NEO1: variants seen among roughly 807,000 people sequenced by gnomAD.
The protein encoded by NEO1 is neogenin.
A neutral mutation model predicts 159.7 loss-of-function variants in NEO1; 63 were observed. The ratio of observed to expected loss-of-function variants is 0.39; its 90% CI spans 0.32 to 0.49. The LOEUF is 0.49. NEO1 is among the 20% of genes least tolerant of loss of function. The pLI is 0.85. For missense variants in NEO1, 1,615 were observed against 1,831.0 expected (o/e 0.88, Z 2.15); for synonymous variants, 633 against 662.0 (o/e 0.96, Z 0.67).
rs527238983 is a variant in NEO1 at position 73,125,558 on chromosome 15, T to C, written c.725-859T>C. ...GTTATCATGGCTGTAGAACATCTTT[T>C]CCAAAGCATATGGGCACAAGAGTCA... On this transcript the variant is annotated intron_variant, in intron 3 of 28. Coordinates refer to ENST00000261908, the MANE Select transcript of NEO1 (RefSeq NM_002499.4). 2.8e-4 allele frequency among the ~76,000 whole-genome samples: 42 copies of C among 152,308 alleles called. No individual in the cohort carries two copies. The East Asian group carries it at 7.5e-3, about 27-fold the overall frequency.
chr15:73,160,493 C>T (rs2034096286), intron 5 of NEO1, among the ~76,000 whole-genome samples: 1 of 152,084 alleles, frequency 6.6e-6, no homozygotes, highest in Admixed American at 6.6e-5. Context: ...GTTGAGAGCT[C>T]AGGACCACCA....
At position 73,289,243 on chromosome 15, in the gene NEO1, G is replaced by T; in HGVS notation, c.3742+5G>T. The T allele has an allele frequency of 6.2e-7, 1 of 1,613,484 alleles. No homozygotes were observed. ...TTGACTCCCAGCCACCCCAGCGTAA[G>T]TAGAAGCATCTCTTTTCCTCAGTGC... On this transcript the variant is annotated splice_donor_5th_base_variant and intron_variant, in intron 25 of 28. Transcript: ENST00000261908.
At chr15:73,132,054 C>A (rs1356855385) in intron 4 of NEO1, among the ~76,000 whole-genome samples, 2 of 152,160 alleles carry the variant, frequency 1.3e-5, no homozygotes, top group African/African-American at 4.8e-5. Flanking sequence ...TTTGCTATAC[C>A]ATTTTGTAGA....
chr15:73,156,540 C>T (rs1376601797), intron 5 of NEO1, among the ~76,000 whole-genome samples: 1 of 152,154 alleles, frequency 6.6e-6, no homozygotes, highest in Non-Finnish European at 1.5e-5. Flanking sequence ...ATGGGAATAG[C>T]AGTAGTAGTG....
intron 7 of NEO1, among the ~76,000 whole-genome samples, chr15:73,229,824 A>T (rs780574512): frequency 4.6e-5 from 7 of 151,898 alleles, no homozygotes; most frequent in Non-Finnish European, 1.0e-4. Flanking sequence ...TTTTCTCTTA[A>T]TGTGATGTGT....
intron 4 of NEO1, among the ~76,000 whole-genome samples, chr15:73,133,236 A>G (rs1248967441): frequency 6.6e-6 from 1 of 152,158 alleles, no homozygotes; most frequent in Non-Finnish European, 1.5e-5. Context: ...GAATGAAATA[A>G]CACCATTCAC....
intron 15 of NEO1, among the ~76,000 whole-genome samples, chr15:73,264,358 T>A (rs2040785010): frequency 3.9e-5 from 6 of 152,152 alleles, no homozygotes; most frequent in Admixed American, 3.3e-4. Context: ...TGAGTTGAAG[T>A]GAATTTTGTT....
chr15:73,091,323 C>A (rs1159128027), intron 1 of NEO1, among the ~76,000 whole-genome samples: 1 of 152,020 alleles, frequency 6.6e-6, no homozygotes, highest in African/African-American at 2.4e-5. Context: ...TTTATCTTGC[C>A]TTATGTATTA....
chr15:73,269,932 T>C, intron 16 of NEO1, 78 bp from the exon 17 acceptor site: 2 of 1,130,844 alleles, frequency 1.8e-6, no homozygotes, highest in Non-Finnish European at 2.6e-6. Context: ...TTCCATTATA[T>C]TACCCTGCAT....
Position 73,266,426 on chromosome 15 carries a change from C to A in NEO1, c.2494+15C>A. 2 of 1,587,364 alleles carry A rather than the reference C, an allele frequency of 1.3e-6. No individual in the cohort carries two copies. The highest frequency in any genetic ancestry group is 1.7e-6 in the Non-Finnish European group (2 of 1,161,156). ...GCCTCACACAGGTAAGGTATCCTAT[C>A]TTTCCTAGTCTCCAGCACTTTTCCT... On this transcript the variant is annotated intron_variant, in intron 16 of 28. Coordinates refer to ENST00000261908, the MANE Select transcript of NEO1 (RefSeq NM_002499.4).
intron 3 of NEO1, among the ~76,000 whole-genome samples, 179 bp from the exon 4 acceptor site, chr15:73,126,238 G>A (rs189717185): frequency 3.9e-5 from 6 of 152,046 alleles, no homozygotes; most frequent in Admixed American, 6.6e-5. Flanking sequence ...GTGCTTTGTC[G>A]TGTGTGTATG....
At chr15:73,073,223 G>C (rs942143199) in intron 1 of NEO1, among the ~76,000 whole-genome samples, 1 of 152,158 alleles carries the variant, frequency 6.6e-6, no homozygotes, top group Non-Finnish European at 1.5e-5. Flanking sequence ...AAGGAGGAGA[G>C]TATCTGATTC....
At chr15:73,212,187 A>G (rs2037620916) in intron 7 of NEO1, among the ~76,000 whole-genome samples, 1 of 152,064 alleles carries the variant, frequency 6.6e-6, no homozygotes, top group Non-Finnish European at 1.5e-5. Flanking sequence ...CTGAGTGTAA[A>G]TCTCCTATTG....
At chr15:73,275,603 C>A (rs1458846612) in intron 21 of NEO1, among the ~76,000 whole-genome samples, 1 of 151,942 alleles carries the variant, frequency 6.6e-6, no homozygotes, top group Non-Finnish European at 1.5e-5. Flanking sequence ...TGCAGTGAGT[C>A]GTGATCACAC....
In NEO1 at chr15:73,152,932, G is replaced by A. The variant is rs186504175; in HGVS notation, c.1015+16905G>A. ...GGTGTATGTTTAGAGAAAGAGAGAAGAGACTTTTATTATAAAGTATTGGTT... is the reference window on the plus strand; with the variant it reads ...GGTGTATGTTTAGAGAAAGAGAGAAAAGACTTTTATTATAAAGTATTGGTT... On this transcript the variant is annotated intron_variant, in intron 5 of 28. Coordinates refer to ENST00000261908, the MANE Select transcript of NEO1 (RefSeq NM_002499.4). 4.6e-5 allele frequency among the ~76,000 whole-genome samples: 7 copies of A among 152,250 alleles called. No homozygotes were observed. The East Asian group carries it at 1.2e-3, about 25-fold the overall frequency.
chr15:73,265,915 C>G (rs1186121469), intron 15 of NEO1, among the ~76,000 whole-genome samples: 1 of 152,234 alleles, frequency 6.6e-6, no homozygotes, highest in African/African-American at 2.4e-5. Flanking sequence ...TCTTCTCTAC[C>G]TTGTCTGTTC....
At chr15:73,143,442 T>C in intron 5 of NEO1, 1 of 154,270 alleles carries the variant, frequency 6.5e-6, no homozygotes, top group Non-Finnish European at 1.4e-5. Context: ...AGAGTCAAAT[T>C]TCTTTCCATC....
chr15:73,058,958 A>ATT (rs2067850971), intron 1 of NEO1, among the ~76,000 whole-genome samples: 1 of 152,124 alleles, frequency 6.6e-6, no homozygotes, highest in Non-Finnish European at 1.5e-5. Context: ...GTTATTGTAT[A>ATT]TCTTTTTTTT....
At chr15:73,182,670 C>T (rs1443835234) in intron 7 of NEO1, among the ~76,000 whole-genome samples, 1 of 152,096 alleles carries the variant, frequency 6.6e-6, no homozygotes, top group Non-Finnish European at 1.5e-5. Flanking sequence ...AAAGGGGAAA[C>T]CCCTCATGAA....
Sources: gnomAD v4.1 joint callset for allele counts (sites outside exome capture counted in the v4.1 genomes callset) on GRCh38, gnomAD v4.1.1 for gene constraint, MANE v1.5 for transcripts, NCBI Gene and HGNC (gene_info 2026-07-23, HGNC 2026-07-21) for gene names.